Variants in ZNF804A observed in about 807,000 individuals in gnomAD.
ZNF804A encodes the protein zinc finger protein 804A.
A neutral mutation model predicts 16.5 loss-of-function variants in ZNF804A; 2 were observed. That is an observed-to-expected ratio of 0.12 (90% confidence interval 0.05 to 0.38). The LOEUF is 0.38. ZNF804A is among the 10% of genes least tolerant of loss of function. The probability of loss-of-function intolerance (pLI) is 0.99; values close to 1 mark genes in which losing one functional copy is unlikely to be tolerated. For synonymous variants in ZNF804A, 534 were observed against 489.6 expected, an observed-to-expected ratio of 1.09 and a Z score of -1.20; for missense variants, 1,473 against 1,390.7, an observed-to-expected ratio of 1.06 and a Z score of -0.94.
At chr2:184,911,926 T>A in intron 2 of ZNF804A, among the ~76,000 whole-genome samples, 1 of 152,014 alleles carries the variant, frequency 6.6e-6, no homozygotes, top group Non-Finnish European at 1.5e-5. Context: ...TTACACCTTT[T>A]GTTTTTACTG....
chr2:184,816,472 T>C (rs1259582132), intron 1 of ZNF804A, among the ~76,000 whole-genome samples: 1 of 152,098 alleles, frequency 6.6e-6, no homozygotes, highest in Non-Finnish European at 1.5e-5. Context: ...TGTAAGATTG[T>C]GAAAGTTCTA....
chr2:184,712,989 G>A (rs758964310), intron 1 of ZNF804A, among the ~76,000 whole-genome samples: 37 of 151,528 alleles, frequency 2.4e-4, no homozygotes, highest in Non-Finnish European at 5.2e-4. Flanking sequence ...TATATTGAGC[G>A]TTTATAAGGA....
At chr2:184,875,947 A>G (rs1257783772) in intron 2 of ZNF804A, among the ~76,000 whole-genome samples, 1 of 152,054 alleles carries the variant, frequency 6.6e-6, no homozygotes, top group Admixed American at 6.6e-5. Flanking sequence ...CTTTGAAGAG[A>G]TAGAAAAGGG....
At chr2:184,914,513 A>T (rs1685415732) in intron 2 of ZNF804A, among the ~76,000 whole-genome samples, 2 of 152,196 alleles carry the variant, frequency 1.3e-5, no homozygotes, top group African/African-American at 4.8e-5. Flanking sequence ...TTATTTGTAA[A>T]CATAACTTAC....
intron 1 of ZNF804A, among the ~76,000 whole-genome samples, chr2:184,862,718 A>T (rs1448333514): frequency 1.3e-5 from 2 of 152,238 alleles, no homozygotes; most frequent in South Asian, 2.1e-4. Context: ...ATAAATTGTA[A>T]TGAGAAATAA....
At chr2:184,599,948 C>G (rs947158883) in intron 1 of ZNF804A, among the ~76,000 whole-genome samples, 1 of 152,078 alleles carries the variant, frequency 6.6e-6, no homozygotes, top group Non-Finnish European at 1.5e-5. Flanking sequence ...TATACACCTC[C>G]ATAAAGTAAA....
chr2:184,922,699 C>A (rs1559003769), intron 2 of ZNF804A, among the ~76,000 whole-genome samples: 1 of 151,806 alleles, frequency 6.6e-6, no homozygotes, highest in Non-Finnish European at 1.5e-5. Context: ...AAGAGTTTCC[C>A]CAGTGTTTTC....
chr2:184,691,448 A>G (rs1692722882), intron 1 of ZNF804A, among the ~76,000 whole-genome samples: 1 of 151,388 alleles, frequency 6.6e-6, no homozygotes, highest in Admixed American at 6.6e-5. Context: ...TGATAATTAT[A>G]CAACTTGATT....
At chr2:184,721,200 C>T (rs1283582082) in intron 1 of ZNF804A, among the ~76,000 whole-genome samples, 1 of 151,954 alleles carries the variant, frequency 6.6e-6, no homozygotes, top group African/African-American at 2.4e-5. Context: ...GATTTTGTGG[C>T]TAAGACCTCA....
At chr2:184,726,428 A>G (rs1350804561) in intron 1 of ZNF804A, among the ~76,000 whole-genome samples, 2 of 151,690 alleles carry the variant, frequency 1.3e-5, no homozygotes, top group Non-Finnish European at 3.0e-5. Context: ...TATCTTTTCT[A>G]AATAAGGTAT....
intron 1 of ZNF804A, among the ~76,000 whole-genome samples, chr2:184,632,135 T>C (rs1342738617): frequency 6.6e-6 from 1 of 152,096 alleles, no homozygotes; most frequent in Non-Finnish European, 1.5e-5. Context: ...TAGAAGTATA[T>C]AATGATACAG....
At chr2:184,835,465 G>A (rs985879348) in intron 1 of ZNF804A, among the ~76,000 whole-genome samples, 3 of 152,086 alleles carry the variant, frequency 2.0e-5, no homozygotes, top group Admixed American at 6.6e-5. Context: ...CATAGCAATG[G>A]TAAACTGACA....
chr2:184,796,597 C>A (rs1220154881), intron 1 of ZNF804A, among the ~76,000 whole-genome samples: 3 of 151,684 alleles, frequency 2.0e-5, no homozygotes, highest in African/African-American at 4.8e-5. Context: ...TCTTTTGTAT[C>A]TTTTTGTTGT....
intron 1 of ZNF804A, among the ~76,000 whole-genome samples, chr2:184,750,459 A>T (rs945500324): frequency 2.6e-5 from 4 of 151,384 alleles, no homozygotes; most frequent in African/African-American, 9.7e-5. Context: ...AGGAAAGTCA[A>T]ATCCTGGGTA....
intron 1 of ZNF804A, among the ~76,000 whole-genome samples, chr2:184,738,149 T>C (rs1482898019): frequency 1.4e-5 from 2 of 146,552 alleles, no homozygotes; most frequent in Non-Finnish European, 3.0e-5. Context: ...AAAGAAAATA[T>C]CAGATCTAAG....
intron 2 of ZNF804A, chr2:184,902,675 C>G (rs1318478485): frequency 6.6e-6 from 1 of 152,010 alleles, no homozygotes; most frequent in East Asian, 1.9e-4. Flanking sequence ...AAGAGTATTT[C>G]TGGTCTCAAG....
chr2:184,777,482 C>T (rs1694306442), intron 1 of ZNF804A, among the ~76,000 whole-genome samples: 1 of 151,488 alleles, frequency 6.6e-6, no homozygotes, highest in Admixed American at 6.6e-5. Flanking sequence ...GCTCTCTCAG[C>T]ATCACTGTCA....
intron 1 of ZNF804A, among the ~76,000 whole-genome samples, chr2:184,726,001 G>A (rs1259030107): frequency 6.6e-6 from 1 of 151,700 alleles, no homozygotes; most frequent in Non-Finnish European, 1.5e-5. Context: ...TTTATGGTAT[G>A]GATGCACCAC....
chr2:184,829,523 G>T (rs545340858), intron 1 of ZNF804A, among the ~76,000 whole-genome samples: 1 of 152,070 alleles, frequency 6.6e-6, no homozygotes, highest in South Asian at 2.1e-4. Context: ...CCCTCCTAAA[G>T]ATGATACTTA....
Sources: allele counts gnomAD v4.1 joint callset (sites outside exome capture counted in the v4.1 genomes callset), GRCh38; gene constraint gnomAD v4.1.1; transcripts MANE v1.5; gene names NCBI Gene and HGNC (gene_info 2026-07-23, HGNC 2026-07-21).